The following RAPGEF5 variants were observed in gnomAD, a reference collection of about 807,000 sequenced individuals.
RAPGEF5 encodes Rap guanine nucleotide exchange factor 5.
In RAPGEF5, 65 loss-of-function variants were observed where a neutral mutation model predicts 125.2. The observed-to-expected ratio is 0.52, with a 90% CI of 0.43 to 0.64. RAPGEF5 has a LOEUF of 0.64. Ranked by LOEUF, RAPGEF5 falls within the 30% of genes least tolerant of loss-of-function variation. RAPGEF5 has a pLI of 0.00. For synonymous variants in RAPGEF5, 391 were observed against 385.9 expected, an observed-to-expected ratio of 1.01 and a Z score of -0.16; for missense variants, 958 against 1,048.1, an observed-to-expected ratio of 0.91 and a Z score of 1.19.
At chr7:22,216,045 C>T (rs1785630193) in intron 9 of RAPGEF5, among the ~76,000 whole-genome samples, 1 of 152,176 alleles carries the variant, frequency 6.6e-6, no homozygotes, top group Admixed American at 6.5e-5. Context: ...TGCACATCCC[C>T]CATTGCTAGT....
At chr7:22,206,921 T>C (rs1785410984) in intron 9 of RAPGEF5, among the ~76,000 whole-genome samples, 1 of 152,164 alleles carries the variant, frequency 6.6e-6, no homozygotes, top group Non-Finnish European at 1.5e-5. Flanking sequence ...ATATCCTTCA[T>C]ATGTAAATAA....
At chr7:22,307,068 G>GT (rs1475790489) in intron 5 of RAPGEF5, among the ~76,000 whole-genome samples, 2 of 152,138 alleles carry the variant, frequency 1.3e-5, no homozygotes, top group Non-Finnish European at 2.9e-5. Context: ...TTTTAGGATT[G>GT]TTTTTTCTAT....
At chr7:22,142,855 G>C (rs1184257199) in intron 20 of RAPGEF5, among the ~76,000 whole-genome samples, 1 of 152,232 alleles carries the variant, frequency 6.6e-6, no homozygotes, top group African/African-American at 2.4e-5. Flanking sequence ...CTTCATGATT[G>C]TGGAAATTAC....
intron 9 of RAPGEF5, among the ~76,000 whole-genome samples, chr7:22,219,067 T>C (rs1350178793): frequency 6.6e-6 from 1 of 152,004 alleles, no homozygotes; most frequent in Non-Finnish European, 1.5e-5. Context: ...CAAGGAAAAA[T>C]TAAAGTCAGA....
chr7:22,197,897 G>GGA (rs1554327491), intron 9 of RAPGEF5, among the ~76,000 whole-genome samples: 1 of 145,990 alleles, frequency 6.8e-6, no homozygotes, highest in Non-Finnish European at 1.5e-5. Context: ...TTTTTTTGGG[G>GGA]GGGGGTGGTA....
intron 12 of RAPGEF5, among the ~76,000 whole-genome samples, chr7:22,165,677 G>C (rs1229550698): frequency 6.6e-6 from 1 of 152,016 alleles, no homozygotes; most frequent in Non-Finnish European, 1.5e-5. Context: ...ATCATTTCCA[G>C]TTATTTATTT....
chr7:22,299,007 G>C (rs1783132939), intron 5 of RAPGEF5, among the ~76,000 whole-genome samples: 1 of 148,206 alleles, frequency 6.7e-6, no homozygotes, highest in African/African-American at 2.5e-5. Context: ...ACTCTGGTGA[G>C]AGATTTCGTA....
chr7:22,151,048 T>TG (rs1783610297), intron 17 of RAPGEF5, among the ~76,000 whole-genome samples: 1 of 152,244 alleles, frequency 6.6e-6, no homozygotes, highest in Non-Finnish European at 1.5e-5. Flanking sequence ...CATGTTTAAT[T>TG]GGTTATATGA....
chr7:22,255,741 A>G (rs2214935), intron 7 of RAPGEF5, among the ~76,000 whole-genome samples: 65,151 of 151,748 alleles, frequency 0.43, 14,897 homozygotes, highest in East Asian at 0.73. Context: ...CTAGAAAGAG[A>G]GAAAAAATGT....
At chr7:22,219,345 A>G (rs1161233286) in intron 9 of RAPGEF5, among the ~76,000 whole-genome samples, 1 of 151,710 alleles carries the variant, frequency 6.6e-6, no homozygotes, top group Non-Finnish European at 1.5e-5. Context: ...TCTTGTTGGA[A>G]CACAAGCCTT....
At chr7:22,220,887 C>T (rs1266234220) in intron 8 of RAPGEF5, among the ~76,000 whole-genome samples, 1 of 152,138 alleles carries the variant, frequency 6.6e-6, no homozygotes, top group Non-Finnish European at 1.5e-5. Context: ...ACATAACCTA[C>T]AGGATTTGAA....
chr7:22,268,641 G>A (rs996749256), intron 6 of RAPGEF5, among the ~76,000 whole-genome samples: 1 of 152,048 alleles, frequency 6.6e-6, no homozygotes, highest in African/African-American at 2.4e-5. Flanking sequence ...GATCTCCCAG[G>A]GAAAACCCCA....
chr7:22,141,575 C>T (rs1416580462), intron 20 of RAPGEF5, among the ~76,000 whole-genome samples: 1 of 152,204 alleles, frequency 6.6e-6, no homozygotes, highest in African/African-American at 2.4e-5. Context: ...GCAAGGAAGG[C>T]TCAGGCCTGG....
At chr7:22,335,710 A>AAAC (rs367838254) in intron 1 of RAPGEF5, among the ~76,000 whole-genome samples, 5 of 137,640 alleles carry the variant, frequency 3.6e-5, no homozygotes, top group Admixed American at 7.2e-5. Flanking sequence ...AAAAACAACA[A>AAAC]AACAACAACA....
intron 7 of RAPGEF5, among the ~76,000 whole-genome samples, chr7:22,243,620 T>C (rs1258373363): frequency 6.6e-6 from 1 of 152,208 alleles, no homozygotes; most frequent in Non-Finnish European, 1.5e-5. Flanking sequence ...TAATTTTTAA[T>C]TGACAAATAA....
Position 22,147,006 on chromosome 7 carries a change from T to C in RAPGEF5, c.1898A>G (p.Glu633Gly). 1 of 1,613,474 alleles carries C rather than the reference T, an allele frequency of 6.2e-7. No individual in the cohort carries two copies. Among genetic ancestry groups the C allele is most frequent in the Non-Finnish European group, 8.5e-7 (1 of 1,179,722 alleles). Residue 633 changes from glutamate to glycine, a missense_variant, in exon 19 of 26, where the codon GAA (glutamate) becomes GGA (glycine). Physicochemically the swap from Glu to Gly is moderately conservative, Grantham distance 98 (BLOSUM62 -2). Coordinates refer to ENST00000665637, the MANE Select transcript of RAPGEF5 (RefSeq NM_012294.5). ...DLADTLNPFA[E>G]NEESQQRSMR... is the part of the protein sequence containing the mutation. ...CGACCTTTGCTGTGATTCCTCATTT[T>C]CTGCAAATGGGTTCTAAACCAACAG...
chr7:22,187,617 C>T (rs1784862531), intron 11 of RAPGEF5, among the ~76,000 whole-genome samples: 1 of 152,162 alleles, frequency 6.6e-6, no homozygotes, highest in Non-Finnish European at 1.5e-5. Context: ...CCTCTGTTCC[C>T]TCTGATGGTG....
At chr7:22,356,317 A>C (rs1583601885) in intron 1 of RAPGEF5, 337 of 921,218 alleles carry the variant, frequency 3.7e-4, no homozygotes, top group Middle Eastern at 1.7e-3. Context: ...CTGGAAGCTC[A>C]CCCAAGAGCT....
chr7:22,284,481 C>T (rs1294899921), intron 6 of RAPGEF5, among the ~76,000 whole-genome samples: 2 of 152,270 alleles, frequency 1.3e-5, no homozygotes, highest in Admixed American at 6.5e-5. Flanking sequence ...GAACTAGATC[C>T]GTCTTCTCCG....
Sources: allele counts gnomAD v4.1 joint callset (sites outside exome capture counted in the v4.1 genomes callset), GRCh38; gene constraint gnomAD v4.1.1; transcripts MANE v1.5; gene names NCBI Gene and HGNC (gene_info 2026-07-23, HGNC 2026-07-21).